PDX1: variants seen among roughly 807,000 people sequenced by gnomAD.
PDX1 encodes pancreatic and duodenal homeobox 1.
Under a neutral mutation model 11.1 loss-of-function variants are expected in PDX1, and 7 were observed. That is an observed-to-expected ratio of 0.63 (90% CI 0.36 to 1.19). The LOEUF (loss-of-function observed/expected upper bound fraction) is 1.19. Among genes scored for constraint, PDX1 ranks in the 50% most tolerant of loss-of-function variants. The pLI is 0.02. For synonymous variants in PDX1, 232 were observed against 196.2 expected, an observed-to-expected ratio of 1.18 and a Z score of -1.53; for missense variants, 449 against 412.1, an observed-to-expected ratio of 1.09 and a Z score of -0.78.
At chr13:27,923,851 GT>G (rs904749469) in intron 1 of PDX1, among the ~76,000 whole-genome samples, 1 of 152,126 alleles carries the variant, frequency 6.6e-6, no homozygotes, top group Admixed American at 6.5e-5. Context: ...CCATCAGGAG[GT>G]TTTTTTTAGC....
intron 1 of PDX1, among the ~76,000 whole-genome samples, chr13:27,922,744 G>A (rs1957796879): frequency 6.6e-6 from 1 of 152,152 alleles, no homozygotes; most frequent in African/African-American, 2.4e-5. Flanking sequence ...CTCTCGCAGG[G>A]ACTTCACGAA....
At chr13:27,922,065 CCCA>C (rs1436582170) in intron 1 of PDX1, among the ~76,000 whole-genome samples, 4 of 152,198 alleles carry the variant, frequency 2.6e-5, no homozygotes, top group Non-Finnish European at 5.9e-5. Context: ...CTCCTGCTTT[CCCA>C]CCCTGGGCCT....
chr13:27,920,449 C>A lies in PDX1; in HGVS notation c.311C>A (p.Ala104Asp). The change falls in exon 1 of 2, where the codon GCC (alanine) becomes GAC (aspartate). Residue 104 changes from alanine (A) to aspartate (D), a missense_variant. Coordinates refer to ENST00000381033, the MANE Select transcript of PDX1 (RefSeq NM_000209.4). ...HPPAGPFPEG[A>D]EPGVLEEPNR... ...CCCGCCGGGCCCTTCCCGGAGGGAG[C>A]CGAGCCGGGCGTCCTGGAGGAGCCC... is the stretch of plus-strand genomic sequence containing the variant. 4.4e-6 allele frequency: 7 copies of A among 1,591,784 alleles called. No individual in the cohort carries two copies. The highest frequency in any genetic ancestry group is 1.1e-5 in the South Asian group (1 of 88,016).
In PDX1 at chr13:27,920,302, G is replaced by A. The variant is rs753249965; in HGVS notation, c.164G>A (p.Gly55Asp). 4.3e-5 allele frequency: 66 copies of A among 1,537,470 alleles called. 2 individuals carry two copies. In the South Asian group the frequency reaches 7.8e-4, roughly 18 times the overall value. The change falls in exon 1 of 2, where the codon GGC becomes GAC. Residue 55 changes from glycine to aspartate, a missense_variant. Gly to Asp is a moderately conservative substitution (Grantham distance 94, BLOSUM62 -1). This residue lies in a region of PDX1 where 263 missense variants were observed against 212.5 expected (regional missense o/e 1.24). Transcript: ENST00000381033. The stretch of plus-strand genomic sequence containing the variant: ...CCGCACCCGTTCCCTGGCGCCCTGG[G>A]CGCGCTGGAGCAGGGCAGCCCCCCG... ...PPPHPFPGAL[G>D]ALEQGSPPDI...
At position 27,925,398 on chromosome 13, in the gene PDX1, CTCCT is replaced by C; in HGVS notation, c.*698_*701del. 1 of 137,290 alleles carries C rather than the reference CTCCT, an allele frequency of 7.3e-6. No individual in the cohort carries two copies. The highest frequency in any genetic ancestry group is 1.5e-5 in the Non-Finnish European group (1 of 68,744). The allele number at this position is 137,290 out of a possible 1,614,324, so 8.5% of individuals were successfully genotyped here. On this transcript the variant is annotated 3_prime_UTR_variant, in exon 2 of 2. Coordinates refer to ENST00000381033, the MANE Select transcript of PDX1 (RefSeq NM_000209.4). The stretch of plus-strand genomic sequence containing the variant: ...CTCTCCTTTCCTCCCCCTCCTCTTT[CTCCT>C]CCTCCTCCTCTTCTTCCCCCTCCTC...
At chr13:27,923,567 C>T (rs1202266141) in intron 1 of PDX1, among the ~76,000 whole-genome samples, 1 of 152,236 alleles carries the variant, frequency 6.6e-6, no homozygotes, top group Non-Finnish European at 1.5e-5. Context: ...AGAGGAAACA[C>T]ATGGTCAGAT....
At chr13:27,923,679 A>C (rs918548389) in intron 1 of PDX1, among the ~76,000 whole-genome samples, 1 of 152,242 alleles carries the variant, frequency 6.6e-6, no homozygotes, top group African/African-American at 2.4e-5. Context: ...TGAGATTAGT[A>C]TTTTTTAAAC....
Position 27,924,228 on chromosome 13 carries a change from C to G in PDX1, c.407-28C>G, listed in dbSNP as rs1435889976. On this transcript the variant is annotated intron_variant, in intron 1 of 1. Transcript: ENST00000381033. The surrounding 1 kb of genome is among the most constrained non-coding windows in gnomAD (Gnocchi z 4.8). ...TGGGGGCTGTGCGGGGCTCCGGGGG[C>G]CACACTCACGCCCTGTGTCGCCCGC... 3.2e-6 allele frequency: 5 copies of G among 1,547,078 alleles called. No individual in the cohort carries two copies. Among genetic ancestry groups the G allele is most frequent in the Non-Finnish European group, 4.4e-6 (5 of 1,146,890 alleles).
Position 27,924,920 on chromosome 13 carries a change from A to G in PDX1, c.*219A>G. The G allele has an allele frequency of 4.5e-6, 2 of 439,618 alleles. No homozygotes were observed. Among genetic ancestry groups the G allele is most frequent in the Non-Finnish European group, 7.8e-6 (2 of 255,148 alleles). The allele number at this position is 439,618 out of a possible 1,614,324, so 27.2% of individuals were successfully genotyped here. On this transcript the variant is annotated 3_prime_UTR_variant, in exon 2 of 2. Transcript: ENST00000381033. The surrounding 1 kb of genome is among the most constrained non-coding windows in gnomAD (Gnocchi z 4.8). ...CCGGCAGGCCTTCCGGAAGAAAAAG[A>G]GCCATTGGTTTTTGTAGTATTGGGG...
intron 1 of PDX1, among the ~76,000 whole-genome samples, chr13:27,923,642 G>C (rs1168588051): frequency 2.0e-5 from 3 of 152,212 alleles, no homozygotes; most frequent in African/African-American, 7.2e-5. Context: ...GCACCCATTC[G>C]CAGGTCATAA....
intron 1 of PDX1, among the ~76,000 whole-genome samples, chr13:27,922,664 C>T (rs985552975): frequency 2.0e-5 from 3 of 152,156 alleles, no homozygotes; most frequent in East Asian, 1.9e-4. Context: ...CAACCTCCAC[C>T]CCTGCCGCGT....
At chr13:27,920,767 C>A (rs1262351971) in intron 1 of PDX1, among the ~76,000 whole-genome samples, 1 of 152,216 alleles carries the variant, frequency 6.6e-6, no homozygotes, top group Non-Finnish European at 1.5e-5. Context: ...TACACTCCTT[C>A]CTTCCCTGTT....
intron 1 of PDX1, among the ~76,000 whole-genome samples, chr13:27,921,746 T>C (rs1957789491): frequency 6.6e-6 from 1 of 152,164 alleles, no homozygotes; most frequent in South Asian, 2.1e-4. Flanking sequence ...GACTCTCTTC[T>C]TCCTAGTTCA....
rs904998954 is a variant in PDX1, at chr13:27,920,267, G to C, written c.129G>C (p.Pro43=). The C allele has an allele frequency of 4.0e-6, 6 of 1,500,606 alleles. No individual in the cohort carries two copies. The highest frequency in any genetic ancestry group is 2.1e-5 in the Admixed American group (1 of 47,364). 93.0% of individuals were successfully genotyped at this position (1,500,606 alleles called of 1,614,324 possible). ...GCCTGTACATGGGCCGCCAGCCCCC[G>C]CCGCCGCCGCCGCACCCGTTCCCTG... is the stretch of plus-strand genomic sequence containing the variant. The part of the protein sequence containing the change: ...PACLYMGRQP[P]PPPPHPFPGA... Residue 43 remains proline (P), a synonymous_variant, in exon 1 of 2, where the codon CCG becomes CCC. Coordinates refer to ENST00000381033, the MANE Select transcript of PDX1 (RefSeq NM_000209.4).
At position 27,924,563 on chromosome 13, in the gene PDX1, G is replaced by A. The variant is rs762020686; in HGVS notation, c.714G>A (p.Leu238=). ...AVTSGEELLA[L]PPPPPPGGAV... ...CCTCCGGCGAGGAGCTTCTGGCGCT[G>A]CCGCCGCCGCCGCCCCCCGGAGGTG... The change falls in exon 2 of 2, where the codon CTG becomes CTA. Residue 238 remains leucine (L), a synonymous_variant. Coordinates refer to ENST00000381033, the MANE Select transcript of PDX1 (RefSeq NM_000209.4). The surrounding 1 kb of genome is among the most constrained non-coding windows in gnomAD (Gnocchi z 4.8). 2.0e-6 allele frequency: 3 copies of A among 1,499,298 alleles called. No individual in the cohort carries two copies. The South Asian group carries it at 3.9e-5, about 19-fold the overall frequency. The allele number at this position is 1,499,298 out of a possible 1,614,324, so 92.9% of individuals were successfully genotyped here.
rs186190993 is a variant in PDX1 at position 27,923,558 on chromosome 13, G to A, written c.407-698G>A. Among the ~76,000 whole-genome samples the A allele has an allele frequency of 5.8e-3, 881 of 152,344 alleles. 5 individuals carry two copies. The highest frequency in any genetic ancestry group is 0.02 in the African/African-American group (839 of 41,566). The stretch of plus-strand genomic sequence containing the variant: ...ACTAATTACGATATAACTATAGAGA[G>A]AGGAAACACATGGTCAGATATAACA... On this transcript the variant is annotated intron_variant, in intron 1 of 1. Transcript: ENST00000381033.
chr13:27,920,315 G>T lies in PDX1; in HGVS notation c.177G>T (p.Gln59His). 6.5e-7 allele frequency: 1 copy of T among 1,542,748 alleles called. No homozygotes were observed. The highest frequency in any genetic ancestry group is 8.7e-7 in the Non-Finnish European group (1 of 1,143,414). ...PFPGALGALE[Q>H]GSPPDISPYE... ...CTGGCGCCCTGGGCGCGCTGGAGCA[G>T]GGCAGCCCCCCGGACATCTCCCCGT... The change falls in exon 1 of 2, where the codon CAG (glutamine) becomes CAT (histidine). Residue 59 changes from glutamine to histidine, a missense_variant. Physicochemically the swap from Gln to His is conservative, Grantham distance 24. Around this residue, in one of 3 missense-constraint regions of PDX1, gnomAD observed 263 missense variants for 212.5 expected, o/e 1.24. Transcript: ENST00000381033.
intron 1 of PDX1, among the ~76,000 whole-genome samples, chr13:27,922,144 C>T (rs1318629359): frequency 3.3e-5 from 5 of 152,252 alleles, no homozygotes; most frequent in Non-Finnish European, 7.3e-5. Context: ...ACTTCCCTAT[C>T]CCAACCCAAG....
chr13:27,925,392 C>T lies in PDX1; in HGVS notation c.*691C>T, dbSNP rs1312634509. On this transcript the variant is annotated 3_prime_UTR_variant, in exon 2 of 2. Transcript: ENST00000381033. ...CTCCTGCTCTCCTTTCCTCCCCCTC[C>T]TCTTTCTCCTCCTCCTCCTCTTCTT... The T allele has an allele frequency of 3.9e-5, 6 of 154,064 alleles. No individual in the cohort carries two copies. Among genetic ancestry groups the T allele is most frequent in the Admixed American group, 2.1e-4 (3 of 14,338 alleles). The allele number at this position is 154,064 out of a possible 1,614,324, so 9.5% of individuals were successfully genotyped here.
Sources: allele counts gnomAD v4.1 joint callset (sites outside exome capture counted in the v4.1 genomes callset), GRCh38; gene constraint gnomAD v4.1.1; regional missense constraint gnomAD v4.1.1; non-coding constraint Gnocchi (gnomAD v3.1); transcripts MANE v1.5; gene names NCBI Gene and HGNC (gene_info 2026-07-23, HGNC 2026-07-21).